The following TMC7 variants were observed in gnomAD, a reference collection of about 807,000 sequenced individuals.
TMC7 encodes the protein transmembrane channel like 7.
In TMC7, 54 loss-of-function variants were observed where a neutral mutation model predicts 82.9. The observed-to-expected ratio is 0.65, with a 90% CI of 0.52 to 0.82. TMC7 has a LOEUF of 0.82. Ranked by LOEUF, TMC7 falls within the 40% of genes least tolerant of loss-of-function variation. The probability of loss-of-function intolerance (pLI) is 0.00; values close to 1 mark genes in which losing one functional copy is unlikely to be tolerated. For synonymous variants in TMC7, 350 were observed against 337.9 expected, an observed-to-expected ratio of 1.04 and a Z score of -0.39; for missense variants, 820 against 901.2, an observed-to-expected ratio of 0.91 and a Z score of 1.15.
At position 19,045,005 on chromosome 16, in the gene TMC7, A is replaced by G; in HGVS notation, c.1455+4A>G. 1.2e-6 allele frequency: 2 copies of G among 1,603,386 alleles called. No homozygotes were observed. The highest frequency in any genetic ancestry group is 1.3e-5 in the African/African-American group (1 of 74,776). On this transcript the variant is annotated splice_donor_region_variant and intron_variant, in intron 10 of 15. Transcript: ENST00000304381. ...CTACAACCAGAAACTCTACCCGGTG[A>G]GTTGCGGGGCGGGGGCGTTCGGCTG...
chr16:19,018,364 A>G (rs758024648), intron 3 of TMC7, among the ~76,000 whole-genome samples: 3 of 152,106 alleles, frequency 2.0e-5, no homozygotes, highest in Non-Finnish European at 2.9e-5. Flanking sequence ...TTTTTTTCTC[A>G]TAGTTTTGGA....
chr16:19,047,630 C>T (rs992256376), intron 12 of TMC7, among the ~76,000 whole-genome samples: 3 of 150,848 alleles, frequency 2.0e-5, no homozygotes, highest in Non-Finnish European at 4.4e-5. Flanking sequence ...CTTGTGACCT[C>T]ATGATCCACC....
chr16:19,020,321 C>T (rs1400523371), intron 3 of TMC7, among the ~76,000 whole-genome samples: 1 of 151,980 alleles, frequency 6.6e-6, no homozygotes, highest in Non-Finnish European at 1.5e-5. Flanking sequence ...CAAAATCATC[C>T]TGGAAGTTCT....
intron 3 of TMC7, among the ~76,000 whole-genome samples, chr16:19,019,895 A>G (rs1959880813): frequency 6.6e-6 from 1 of 152,216 alleles, no homozygotes. Flanking sequence ...ATTGCTAAGT[A>G]TTAGACAGTG....
chr16:19,021,618 GT>G lies in TMC7; in HGVS notation c.461-5del. On this transcript the variant is annotated splice_polypyrimidine_tract_variant and intron_variant, in intron 3 of 15. Coordinates refer to ENST00000304381, the MANE Select transcript of TMC7 (RefSeq NM_024847.4). ...TCCCTGGTCAGTGATGTCCGGGTTT[GT>G]TTTTTCCAGGGAAATTTGGCACTGG... 1.9e-6 allele frequency: 3 copies of G among 1,614,000 alleles called. No homozygotes were observed. In the East Asian group the frequency reaches 6.7e-5, roughly 36 times the overall value.
Position 19,021,749 on chromosome 16 carries a change from A to G in TMC7, c.581A>G (p.Tyr194Cys). The G allele has an allele frequency of 6.2e-7, 1 of 1,614,194 alleles. No individual in the cohort carries two copies. The change falls in exon 4 of 16, where the codon TAC becomes TGC. Residue 194 changes from tyrosine (Y) to cysteine (C), a missense_variant. Tyr to Cys is a radical substitution (Grantham distance 194). This residue lies in a region of TMC7 where 650 missense variants were observed against 669.9 expected (regional missense o/e 0.97). Coordinates refer to ENST00000304381, the MANE Select transcript of TMC7 (RefSeq NM_024847.4). ...TTGCTCCCAGTCTTACTCACGAAATACAAGATCACCAACAGCAGCTTCGTG... is the reference window on the plus strand; with the variant it reads ...TTGCTCCCAGTCTTACTCACGAAATGCAAGATCACCAACAGCAGCTTCGTG... ...LVLLPVLLTK[Y>C]KITNSSFVLI...
intron 7 of TMC7, among the ~76,000 whole-genome samples, chr16:19,036,802 G>A (rs1960770719): frequency 6.6e-6 from 1 of 151,590 alleles, no homozygotes; most frequent in African/African-American, 2.4e-5. Flanking sequence ...ACCCATCAAA[G>A]AAAAGGAGGA....
chr16:19,037,300 A>G (rs1960791357), intron 7 of TMC7, among the ~76,000 whole-genome samples: 1 of 150,484 alleles, frequency 6.6e-6, no homozygotes, highest in Non-Finnish European at 1.5e-5. Context: ...AGGCAGGAGA[A>G]TGACTGGAAC....
At chr16:19,010,048 TTTTC>T (rs1190714587) in intron 2 of TMC7, among the ~76,000 whole-genome samples, 4 of 144,094 alleles carry the variant, frequency 2.8e-5, no homozygotes, top group Non-Finnish European at 4.6e-5. Context: ...CTTTCTTTCT[TTTTC>T]TTTCTTTCTT....
chr16:19,006,616 A>G (rs1489500199), intron 1 of TMC7, among the ~76,000 whole-genome samples: 1 of 152,050 alleles, frequency 6.6e-6, no homozygotes, highest in Non-Finnish European at 1.5e-5. Flanking sequence ...CTAAATACCT[A>G]TTGTTGCTCA....
At chr16:18,990,949 A>G (rs939469192) in intron 1 of TMC7, among the ~76,000 whole-genome samples, 5 of 152,092 alleles carry the variant, frequency 3.3e-5, no homozygotes, top group African/African-American at 1.2e-4. Flanking sequence ...TCACTGGGAT[A>G]TGATGGCTTA....
intron 12 of TMC7, 112 bp from the exon 13 acceptor site, chr16:19,051,574 C>G: frequency 7.8e-7 from 1 of 1,275,442 alleles, no homozygotes; most frequent in Non-Finnish European, 1.1e-6. Flanking sequence ...GGACTACCCT[C>G]TGGAAAGGTT....
At chr16:19,018,148 CATAA>C (rs1452375789) in intron 3 of TMC7, among the ~76,000 whole-genome samples, 1 of 152,058 alleles carries the variant, frequency 6.6e-6, no homozygotes, top group Non-Finnish European at 1.5e-5. Flanking sequence ...AAAACAAAAA[CATAA>C]ATAAACAAAC....
At chr16:18,996,815 A>AT (rs2039050760) in intron 1 of TMC7, among the ~76,000 whole-genome samples, 1 of 152,220 alleles carries the variant, frequency 6.6e-6, no homozygotes, top group Non-Finnish European at 1.5e-5. Context: ...CAAGGCAGGC[A>AT]TCCCTGCGGT....
chr16:19,014,481 T>C (rs1294692075), intron 2 of TMC7, among the ~76,000 whole-genome samples: 1 of 152,190 alleles, frequency 6.6e-6, no homozygotes, highest in East Asian at 1.9e-4. Flanking sequence ...TCCTTTTCTT[T>C]AATAGGAGCT....
chr16:18,998,610 C>T (rs1411921642), intron 1 of TMC7, among the ~76,000 whole-genome samples: 3 of 151,958 alleles, frequency 2.0e-5, no homozygotes, highest in South Asian at 2.1e-4. Flanking sequence ...AAAAATTAGC[C>T]GGGCGTGGTG....
chr16:19,053,059 C>T (rs1391508454), intron 13 of TMC7, among the ~76,000 whole-genome samples: 1 of 151,976 alleles, frequency 6.6e-6, no homozygotes, highest in African/African-American at 2.4e-5. Context: ...TGTTTTGTTG[C>T]TCTTTATTGT....
At chr16:19,042,507 T>C (rs922979821) in intron 9 of TMC7, among the ~76,000 whole-genome samples, 7 of 151,500 alleles carry the variant, frequency 4.6e-5, no homozygotes, top group African/African-American at 1.7e-4. Flanking sequence ...TCCTTCTTTT[T>C]TTTTTTTTTC....
intron 15 of TMC7, chr16:19,059,701 TG>T: frequency 6.5e-7 from 1 of 1,528,054 alleles, no homozygotes; most frequent in Non-Finnish European, 8.8e-7. Flanking sequence ...TTAAGGGGGA[TG>T]TGGTGGCTCA....
Sources: gnomAD v4.1 joint callset for allele counts (sites outside exome capture counted in the v4.1 genomes callset) on GRCh38, gnomAD v4.1.1 for gene constraint, gnomAD v4.1.1 regional missense constraint, MANE v1.5 for transcripts, NCBI Gene and HGNC (gene_info 2026-07-23, HGNC 2026-07-21) for gene names.